The following ZNF138 variants were observed in gnomAD, a reference collection of about 807,000 sequenced individuals.
The protein encoded by ZNF138 is zinc finger protein 138 (clone pHZ-32).
A neutral mutation model predicts 33.0 loss-of-function variants in ZNF138; 33 were observed. That is an observed-to-expected ratio of 1.00 (90% CI 0.76 to 1.34). The LOEUF (loss-of-function observed/expected upper bound fraction) is 1.34. ZNF138 is among the 40% of genes most tolerant of loss of function. The pLI, the probability that ZNF138 is intolerant of heterozygous loss-of-function variation, is 0.00. For missense variants in ZNF138, 360 were observed against 370.8 expected, an observed-to-expected ratio of 0.97 and a Z score of 0.24; for synonymous variants, 139 against 120.4, an observed-to-expected ratio of 1.15 and a Z score of -1.01.
At chr7:64,851,473 G>A in the ZNF138 span, among the ~76,000 whole-genome samples, 1,937 of 152,144 alleles carry the variant, frequency 0.013, 34 homozygotes, top group African/African-American at 0.044. Context: ...TAAGAATTAC[G>A]CTAAATAGCT....
chr7:64,811,281 C>T (rs1788159485), intron 1 of ZNF138, among the ~76,000 whole-genome samples: 1 of 152,198 alleles, frequency 6.6e-6, no homozygotes, highest in African/African-American at 2.4e-5. Context: ...TGCTCTGTAA[C>T]AGTCCCTTCA....
rs759775584 is a variant in ZNF138 at position 64,831,794 on chromosome 7, A to C, written c.552A>C (p.Gln184His). The change falls in exon 4 of 4, where the codon CAA becomes CAC. Residue 184 changes from glutamine (Q) to histidine (H), a missense_variant. Transcript: ENST00000307355. ...TTTGCATGCTTTCACGCCTAACTCAACATAAAAAAATTCATACTAGAGAGA... is the reference window on the plus strand; with the variant it reads ...TTTGCATGCTTTCACGCCTAACTCACCATAAAAAAATTCATACTAGAGAGA... ...KSLCMLSRLT[Q>H]HKKIHTRENF... 5 of 1,613,528 alleles carry C rather than the reference A, an allele frequency of 3.1e-6. No individual in the cohort carries two copies. The highest frequency in any genetic ancestry group is 2.5e-6 in the Non-Finnish European group (3 of 1,179,894).
At chr7:64,850,798 C>T in the ZNF138 span, among the ~76,000 whole-genome samples, 1 of 152,110 alleles carries the variant, frequency 6.6e-6, no homozygotes, top group Non-Finnish European at 1.5e-5. Context: ...AGCAAGTGTA[C>T]AGGAAATTTA....
intron 1 of ZNF138, among the ~76,000 whole-genome samples, chr7:64,799,996 C>T (rs1329093775): frequency 6.6e-6 from 1 of 152,152 alleles, no homozygotes; most frequent in African/African-American, 2.4e-5. Context: ...TGCTGATGTA[C>T]AGGGATCCTA....
chr7:64,834,728 C>CT (rs1417953581), downstream of ZNF138, among the ~76,000 whole-genome samples: 2 of 152,072 alleles, frequency 1.3e-5, no homozygotes, highest in Non-Finnish European at 2.9e-5. Context: ...TGACAAAAGT[C>CT]TAAGTGGAGA....
Position 64,814,914 on chromosome 7 carries a change from T to C in ZNF138, c.4-4T>C. The C allele has an allele frequency of 6.2e-7, 1 of 1,612,742 alleles. No homozygotes were observed. Among genetic ancestry groups the C allele is most frequent in the Non-Finnish European group, 8.5e-7 (1 of 1,179,144 alleles). On this transcript the variant is annotated splice_polypyrimidine_tract_variant and splice_region_variant and intron_variant, in intron 1 of 3. Transcript: ENST00000307355. ...GTGTGTGTTTGTGTGTGCGTGTTTTTCAGGGACCACTGACATTTATGGATG... is the reference window on the plus strand; with the variant it reads ...GTGTGTGTTTGTGTGTGCGTGTTTTCCAGGGACCACTGACATTTATGGATG...
At chr7:64,803,430 A>G (rs999843742) in intron 1 of ZNF138, among the ~76,000 whole-genome samples, 2 of 152,170 alleles carry the variant, frequency 1.3e-5, no homozygotes, top group African/African-American at 2.4e-5. Flanking sequence ...TTGACAGAAA[A>G]CAGATTATCC....
the ZNF138 span, among the ~76,000 whole-genome samples, chr7:64,841,181 G>A: frequency 1.3e-5 from 2 of 151,978 alleles, no homozygotes; most frequent in Non-Finnish European, 2.9e-5. Context: ...GACTAATAAC[G>A]ATTTTTATAA....
chr7:64,795,828 G>A (rs977324178), intron 1 of ZNF138, among the ~76,000 whole-genome samples: 2 of 152,060 alleles, frequency 1.3e-5, no homozygotes, highest in Non-Finnish European at 2.9e-5. Flanking sequence ...AGTACTTTCT[G>A]AGGATAAATC....
intron 1 of ZNF138, 83 bp from the exon 2 acceptor site, chr7:64,814,835 A>G: frequency 6.4e-7 from 1 of 1,565,068 alleles, no homozygotes; most frequent in Non-Finnish European, 8.7e-7. Flanking sequence ...TTACTGTCTT[A>G]TTTTACCTTG....
the ZNF138 span, among the ~76,000 whole-genome samples, chr7:64,850,047 T>A: frequency 6.6e-6 from 1 of 152,196 alleles, no homozygotes; most frequent in Non-Finnish European, 1.5e-5. Flanking sequence ...CAAGTTCCCC[T>A]GGCAGCCCTC....
the ZNF138 span, among the ~76,000 whole-genome samples, chr7:64,846,950 G>T: frequency 6.6e-6 from 1 of 152,044 alleles, no homozygotes; most frequent in African/African-American, 2.4e-5. Flanking sequence ...TGCCAATTTT[G>T]CTGAGGGTTT....
intron 3 of ZNF138, among the ~76,000 whole-genome samples, chr7:64,825,790 G>T (rs1789559082): frequency 6.6e-6 from 1 of 152,016 alleles, no homozygotes; most frequent in Non-Finnish European, 1.5e-5. Context: ...GCCCACCTTG[G>T]CCTCCCAAAA....
In ZNF138 at chr7:64,794,472, C is replaced by T. The variant is rs555341085; in HGVS notation, c.-97C>T. 8 of 1,573,844 alleles carry T rather than the reference C, an allele frequency of 5.1e-6. No individual in the cohort carries two copies. The highest frequency in any genetic ancestry group is 1.4e-5 in the African/African-American group (1 of 73,882). ...TGCAGGTCTGGCCTTCACTTTTCTG[C>T]GTCCTCTTACTCCTAGAGGCCCAGC... On this transcript the variant is annotated 5_prime_UTR_variant, in exon 1 of 4. Coordinates refer to ENST00000307355, the MANE Select transcript of ZNF138 (RefSeq NM_001271639.2).
At position 64,815,107 on chromosome 7, in the gene ZNF138, T is replaced by TG. The variant is rs1186592445; in HGVS notation, c.130+66dup. ...TAAAGGTTTCATTTTTTTTTTTTTT[T>TG]GGGTAGAATGTCTTTTGGTAATTTA... is the stretch of plus-strand genomic sequence containing the variant. On this transcript the variant is annotated intron_variant, in intron 2 of 3. Transcript: ENST00000307355. The TG allele has an allele frequency of 1.9e-5, 26 of 1,333,502 alleles. No homozygotes were observed. In the Admixed American group the frequency reaches 5.1e-4, roughly 26 times the overall value. The allele number at this position is 1,333,502 out of a possible 1,614,324, so 82.6% of individuals were successfully genotyped here. A position where few individuals can be genotyped will look rare whatever the true frequency, so the allele number is the denominator to read the frequency against.
rs1412202511 is a variant in ZNF138, at chr7:64,794,584, G to C, written c.3+13G>C. On this transcript the variant is annotated intron_variant, in intron 1 of 3. Transcript: ENST00000307355. ...AAGCCTAGAAATGGTGAGAGTGCTG[G>C]GTCCGACATCCCGAGAGAGGGGGAG... The C allele has an allele frequency of 1.2e-6, 2 of 1,613,580 alleles. No individual in the cohort carries two copies. The highest frequency in any genetic ancestry group is 2.2e-5 in the East Asian group (1 of 44,856).
At chr7:64,802,118 G>T (rs1787182247) in intron 1 of ZNF138, among the ~76,000 whole-genome samples, 1 of 152,144 alleles carries the variant, frequency 6.6e-6, no homozygotes, top group Non-Finnish European at 1.5e-5. Flanking sequence ...AGAAATACAT[G>T]GATTTGTCCG....
At chr7:64,799,177 T>TC (rs1218857966) in intron 1 of ZNF138, among the ~76,000 whole-genome samples, 2,174 of 152,280 alleles carry the variant, frequency 0.014, 53 homozygotes, top group African/African-American at 0.05. Context: ...TCTTTTCTTT[T>TC]TTTTTTGAGA....
chr7:64,806,828 C>T (rs1787639066), intron 1 of ZNF138, among the ~76,000 whole-genome samples: 1 of 152,218 alleles, frequency 6.6e-6, no homozygotes, highest in African/African-American at 2.4e-5. Flanking sequence ...ATAAGAATTT[C>T]TGGCAACCTT....
Sources: gnomAD v4.1 joint callset for allele counts (sites outside exome capture counted in the v4.1 genomes callset) on GRCh38, gnomAD v4.1.1 for gene constraint, MANE v1.5 for transcripts, NCBI Gene and HGNC (gene_info 2026-07-23, HGNC 2026-07-21) for gene names.